CAST: variants seen among roughly 807,000 people sequenced by gnomAD.
CAST encodes calpastatin, also known as MIR583 host.
In CAST, 76 loss-of-function variants were observed where a neutral mutation model predicts 119.6. The observed-to-expected ratio is 0.64, with a 90% CI of 0.53 to 0.77. The LOEUF (loss-of-function observed/expected upper bound fraction) is 0.77, where lower values mean the gene tolerates loss of function less well. Among genes scored for constraint, CAST ranks in the 30% least tolerant of loss-of-function variants. The probability of loss-of-function intolerance (pLI) is 0.00; values close to 1 mark genes in which losing one functional copy is unlikely to be tolerated. For missense variants in CAST, 953 were observed against 946.5 expected, an observed-to-expected ratio of 1.01 and a Z score of -0.09; for synonymous variants, 319 against 331.6, an observed-to-expected ratio of 0.96 and a Z score of 0.41.
At chr5:95,986,760 T>C in the CAST span, among the ~76,000 whole-genome samples, 2 of 152,250 alleles carry the variant, frequency 1.3e-5, no homozygotes, top group African/African-American at 4.8e-5. Flanking sequence ...CACAGTTAGA[T>C]ATCTGAGCTC....
chr5:96,304,618 A>G, the CAST span, among the ~76,000 whole-genome samples: 1 of 152,082 alleles, frequency 6.6e-6, no homozygotes, highest in Non-Finnish European at 1.5e-5. Flanking sequence ...TCTTGAGTTA[A>G]TTTTTGTATA....
At chr5:96,514,278 T>G in the CAST span, among the ~76,000 whole-genome samples, 1 of 152,158 alleles carries the variant, frequency 6.6e-6, no homozygotes, top group African/African-American at 2.4e-5. Context: ...ACAAACAAAT[T>G]AAGTACGTGG....
At chr5:96,358,344 G>T in the CAST span, among the ~76,000 whole-genome samples, 1 of 152,060 alleles carries the variant, frequency 6.6e-6, no homozygotes, top group African/African-American at 2.4e-5. Flanking sequence ...GTTCTGCTCT[G>T]ATCTTAGTTA....
At chr5:96,652,919 G>A (rs1580859091) in intron 1 of CAST, among the ~76,000 whole-genome samples, 1 of 152,112 alleles carries the variant, frequency 6.6e-6, no homozygotes. Flanking sequence ...AGGTAGCTAG[G>A]CACCAACTGA....
the CAST span, among the ~76,000 whole-genome samples, chr5:96,440,535 A>G: frequency 6.6e-6 from 1 of 151,970 alleles, no homozygotes; most frequent in East Asian, 1.9e-4. Context: ...GTTTTTTCTA[A>G]GCCCATGGAC....
At chr5:96,264,596 A>C in the CAST span, among the ~76,000 whole-genome samples, 3 of 152,194 alleles carry the variant, frequency 2.0e-5, no homozygotes, top group South Asian at 6.2e-4. Flanking sequence ...TCATTTGAAA[A>C]CTTAGTTTTA....
At chr5:96,586,100 G>C (rs1691671392) in intron 1 of CAST, among the ~76,000 whole-genome samples, 1 of 152,044 alleles carries the variant, frequency 6.6e-6, no homozygotes, top group African/African-American at 2.4e-5. Flanking sequence ...TTTTTCACCA[G>C]CTCCCTATAA....
chr5:95,991,507 T>G, the CAST span, among the ~76,000 whole-genome samples: 18 of 143,292 alleles, frequency 1.3e-4, no homozygotes, highest in Non-Finnish European at 1.7e-4. Context: ...GTTTTTTTTT[T>G]TTTTTTTTTT....
the CAST span, among the ~76,000 whole-genome samples, chr5:96,363,149 G>A: frequency 2.0e-5 from 3 of 149,192 alleles, no homozygotes; most frequent in African/African-American, 7.5e-5. Context: ...GGTTGTAGAT[G>A]TGTGGTATTA....
the CAST span, among the ~76,000 whole-genome samples, chr5:96,418,277 T>C: frequency 1.3e-5 from 2 of 152,248 alleles, no homozygotes; most frequent in African/African-American, 4.8e-5. Context: ...GGTGCTGCAG[T>C]AAAGAACTTT....
chr5:96,359,712 T>C, the CAST span, among the ~76,000 whole-genome samples: 1 of 152,370 alleles, frequency 6.6e-6, no homozygotes, highest in South Asian at 2.1e-4. Flanking sequence ...ACTGTTAGGC[T>C]GATGGGCTTC....
intron 1 of CAST, among the ~76,000 whole-genome samples, chr5:96,655,829 A>G (rs572036962): frequency 7.9e-5 from 12 of 152,358 alleles, no homozygotes; most frequent in African/African-American, 2.9e-4. Flanking sequence ...TCAAGAGCCT[A>G]TTTGTGTAAA....
chr5:96,183,844 T>G, the CAST span, among the ~76,000 whole-genome samples: 1 of 152,228 alleles, frequency 6.6e-6, no homozygotes, highest in Non-Finnish European at 1.5e-5. Context: ...TGTAGGCACA[T>G]GGACATGAAC....
At chr5:96,062,326 T>C in the CAST span, among the ~76,000 whole-genome samples, 1 of 152,110 alleles carries the variant, frequency 6.6e-6, no homozygotes. Flanking sequence ...AATTTGGAGA[T>C]GATAACTTGT....
chr5:96,376,033 A>C, the CAST span, among the ~76,000 whole-genome samples: 12 of 151,028 alleles, frequency 7.9e-5, no homozygotes, highest in Non-Finnish European at 1.6e-4. Flanking sequence ...CTAATATCAC[A>C]TGCTAATATC....
intron 3 of CAST, among the ~76,000 whole-genome samples, chr5:96,706,599 G>A (rs950742487): frequency 6.6e-6 from 1 of 152,220 alleles, no homozygotes; most frequent in African/African-American, 2.4e-5. Flanking sequence ...CCTAATGACT[G>A]AGATGTTATT....
chr5:96,084,395 T>C, the CAST span, among the ~76,000 whole-genome samples: 1 of 152,292 alleles, frequency 6.6e-6, no homozygotes, highest in East Asian at 1.9e-4. Flanking sequence ...ATTCTTCAGA[T>C]TGCTTACCTA....
At chr5:96,358,667 C>T in the CAST span, among the ~76,000 whole-genome samples, 1 of 152,142 alleles carries the variant, frequency 6.6e-6, no homozygotes, top group Non-Finnish European at 1.5e-5. Flanking sequence ...ATCCTGAGTT[C>T]TAATTTGATT....
At chr5:96,457,633 C>A in the CAST span, among the ~76,000 whole-genome samples, 1 of 152,208 alleles carries the variant, frequency 6.6e-6, no homozygotes, top group Non-Finnish European at 1.5e-5. Flanking sequence ...AGTCTTCTTC[C>A]CACCTGCACA....
Sources: allele counts gnomAD v4.1 joint callset (sites outside exome capture counted in the v4.1 genomes callset), GRCh38; gene constraint gnomAD v4.1.1; transcripts MANE v1.5; gene names NCBI Gene and HGNC (gene_info 2026-07-23, HGNC 2026-07-21).